NRXN1: variants seen among roughly 807,000 people sequenced by gnomAD.
NRXN1 encodes neurexin-1.
In NRXN1, 39 loss-of-function variants were observed where a neutral mutation model predicts 150.9. The observed-to-expected ratio is 0.26, with a 90% CI of 0.20 to 0.34. The LOEUF (loss-of-function observed/expected upper bound fraction) is 0.34. Ranked by LOEUF, NRXN1 falls within the 10% of genes least tolerant of loss-of-function variation. The pLI is 1.00. For missense variants in NRXN1, 1,815 were observed against 1,949.9 expected (o/e 0.93, Z 1.30); for synonymous variants, 924 against 757.0 (o/e 1.22, Z -3.62).
intron 18 of NRXN1, among the ~76,000 whole-genome samples, chr2:50,226,563 G>T (rs1304207333): frequency 1.3e-5 from 2 of 151,918 alleles, no homozygotes; most frequent in Admixed American, 1.3e-4. Flanking sequence ...ATGTATTAAA[G>T]AGTGAATGTG....
chr2:50,676,691 G>C (rs1284232449), intron 5 of NRXN1, among the ~76,000 whole-genome samples: 3 of 152,020 alleles, frequency 2.0e-5, no homozygotes, highest in African/African-American at 7.2e-5. Flanking sequence ...TAAAAATCAA[G>C]AACCAAATCA....
chr2:50,980,110 C>T (rs983003625), intron 2 of NRXN1, among the ~76,000 whole-genome samples: 4 of 152,016 alleles, frequency 2.6e-5, no homozygotes, highest in Non-Finnish European at 5.9e-5. Context: ...AGTTAAATTT[C>T]TTTAAATCAG....
intron 8 of NRXN1, among the ~76,000 whole-genome samples, chr2:50,606,250 GAA>G (rs1203771076): frequency 1.3e-5 from 1 of 75,514 alleles, no homozygotes. Context: ...CTCTGTTTCA[GAA>G]AAAAAAAAAA....
intron 5 of NRXN1, among the ~76,000 whole-genome samples, chr2:50,807,625 T>C (rs1667677693): frequency 6.6e-6 from 1 of 152,114 alleles, no homozygotes; most frequent in African/African-American, 2.4e-5. Context: ...GAGAATCAAT[T>C]TGCAAAAGGA....
At chr2:49,935,352 G>A (rs1558534317) in intron 22 of NRXN1, among the ~76,000 whole-genome samples, 1 of 152,110 alleles carries the variant, frequency 6.6e-6, no homozygotes, top group Non-Finnish European at 1.5e-5. Flanking sequence ...GCTCTTAGAT[G>A]TGACAACGTC....
intron 12 of NRXN1, among the ~76,000 whole-genome samples, chr2:50,516,518 G>C (rs764652262): frequency 6.6e-6 from 1 of 152,100 alleles, no homozygotes; most frequent in African/African-American, 2.4e-5. Context: ...TTAATGACAT[G>C]GTCTCTGGGG....
intron 17 of NRXN1, among the ~76,000 whole-genome samples, chr2:50,331,486 TA>T (rs2076833181): frequency 6.6e-6 from 1 of 152,186 alleles, no homozygotes; most frequent in Non-Finnish European, 1.5e-5. Context: ...TAGCTGTATC[TA>T]GGGATGTTCT....
chr2:50,838,492 C>T (rs1236397575), intron 5 of NRXN1, among the ~76,000 whole-genome samples: 1 of 152,032 alleles, frequency 6.6e-6, no homozygotes, highest in African/African-American at 2.4e-5. Context: ...ATGCTATAAG[C>T]CTAACCCTCA....
intron 5 of NRXN1, among the ~76,000 whole-genome samples, chr2:50,842,946 G>A (rs949757146): frequency 6.6e-6 from 1 of 152,124 alleles, no homozygotes; most frequent in Non-Finnish European, 1.5e-5. Context: ...CTGTTAAAAG[G>A]ATTTTATGCT....
chr2:50,584,255 G>A (rs529202160), intron 8 of NRXN1, among the ~76,000 whole-genome samples: 6 of 152,246 alleles, frequency 3.9e-5, no homozygotes, highest in East Asian at 3.9e-4. Flanking sequence ...GAGGCAAGCC[G>A]AAAACTATCC....
chr2:50,835,715 A>T (rs1262455633), intron 5 of NRXN1, among the ~76,000 whole-genome samples: 1 of 152,234 alleles, frequency 6.6e-6, no homozygotes, highest in East Asian at 1.9e-4. Context: ...TAAAAGAATC[A>T]ACATAATCAC....
At chr2:50,380,066 T>G (rs1327399875) in intron 17 of NRXN1, among the ~76,000 whole-genome samples, 1 of 152,152 alleles carries the variant, frequency 6.6e-6, no homozygotes, top group East Asian at 1.9e-4. Flanking sequence ...AGTATAAAGC[T>G]TGGCTGATGA....
chr2:50,459,623 T>C (rs1456110043), intron 17 of NRXN1, among the ~76,000 whole-genome samples: 7 of 152,142 alleles, frequency 4.6e-5, no homozygotes, highest in Admixed American at 4.6e-4. Flanking sequence ...CCATCCATTA[T>C]CCCACAAAAG....
chr2:50,536,084 C>A (rs1338516232), intron 10 of NRXN1, among the ~76,000 whole-genome samples: 1 of 152,152 alleles, frequency 6.6e-6, no homozygotes, highest in Non-Finnish European at 1.5e-5. Flanking sequence ...GAGGTTCAGG[C>A]ACAATCTTGT....
At chr2:50,814,091 T>C (rs939421380) in intron 5 of NRXN1, among the ~76,000 whole-genome samples, 1 of 152,174 alleles carries the variant, frequency 6.6e-6, no homozygotes, top group Non-Finnish European at 1.5e-5. Flanking sequence ...ATGGCAACTG[T>C]ATGCAAAATG....
At chr2:50,033,506 C>G (rs909469774) in intron 21 of NRXN1, among the ~76,000 whole-genome samples, 1 of 152,008 alleles carries the variant, frequency 6.6e-6, no homozygotes, top group Admixed American at 6.6e-5. Context: ...AAATGTAAAA[C>G]CCCAAACTAC....
intron 21 of NRXN1, among the ~76,000 whole-genome samples, chr2:49,965,989 C>T (rs1385081806): frequency 6.6e-6 from 1 of 152,160 alleles, no homozygotes; most frequent in Non-Finnish European, 1.5e-5. Flanking sequence ...TGTGATTTTA[C>T]ACCACAGTGT....
At chr2:50,451,846 T>C (rs1015516600) in intron 17 of NRXN1, among the ~76,000 whole-genome samples, 10 of 152,324 alleles carry the variant, frequency 6.6e-5, no homozygotes, top group Middle Eastern at 3.4e-3. Flanking sequence ...AGAAGAAATA[T>C]ATTTAACATA....
At chr2:50,082,963 T>C (rs1324656248) in intron 19 of NRXN1, among the ~76,000 whole-genome samples, 1 of 152,026 alleles carries the variant, frequency 6.6e-6, no homozygotes, top group Non-Finnish European at 1.5e-5. Flanking sequence ...AAACATTTAA[T>C]AATGCATTTG....
Sources: allele counts gnomAD v4.1 joint callset (sites outside exome capture counted in the v4.1 genomes callset), GRCh38; gene constraint gnomAD v4.1.1; transcripts MANE v1.5; gene names NCBI Gene and HGNC (gene_info 2026-07-23, HGNC 2026-07-21).